Variants in STAB1 observed in about 807,000 individuals in gnomAD.
The protein encoded by STAB1 is stabilin 1.
A neutral mutation model predicts 332.4 loss-of-function variants in STAB1; 250 were observed. That is an observed-to-expected ratio of 0.75 (90% CI 0.68 to 0.84). The LOEUF is 0.84. Ranked by LOEUF, STAB1 falls within the 40% of genes least tolerant of loss-of-function variation. STAB1 has a pLI of 0.00. For missense variants in STAB1, 3,249 were observed against 3,489.7 expected, an observed-to-expected ratio of 0.93 and a Z score of 1.74; for synonymous variants, 1,475 against 1,390.4, an observed-to-expected ratio of 1.06 and a Z score of -1.35.
rs763583230 is a variant in STAB1 at position 52,516,348 on chromosome 3, C to T, written c.4145-8C>T. 1.9e-6 allele frequency: 3 copies of T among 1,606,698 alleles called. No homozygotes were observed. Among genetic ancestry groups the T allele is most frequent in the Non-Finnish European group, 2.6e-6 (3 of 1,175,120 alleles). On this transcript the variant is annotated splice_region_variant and splice_polypyrimidine_tract_variant and intron_variant, in intron 38 of 68. Coordinates refer to ENST00000321725, the MANE Select transcript of STAB1 (RefSeq NM_015136.3). ...GGGCAACTCCTATCCTCCTTTATACCACTGCAGTGTGTGACTGTGCCCATG... is the reference window on the plus strand; with the variant it reads ...GGGCAACTCCTATCCTCCTTTATACTACTGCAGTGTGTGACTGTGCCCATG...
rs764643786 is a variant in STAB1, at chr3:52,514,757, G to C, written c.3735G>C (p.Ser1245=). 3 of 1,613,012 alleles carry C rather than the reference G, an allele frequency of 1.9e-6. No individual in the cohort carries two copies. The highest frequency in any genetic ancestry group is 2.2e-5 in the East Asian group (1 of 44,870). ...CCATGCTGGAGGCCCCTGGCCGCTC[G>C]CTGATTGGTCTGTCGGGGGTCCTGA... ...EGPMLEAPGR[S]LIGLSGVLTV... Residue 1245 remains serine (S), a synonymous_variant, in exon 35 of 69, where the codon TCG becomes TCC. Coordinates refer to ENST00000321725, the MANE Select transcript of STAB1 (RefSeq NM_015136.3).
At chr3:52,505,984 T>C (rs1157754797) in intron 16 of STAB1, 48 bp downstream of exon 16, 1 of 1,609,342 alleles carries the variant, frequency 6.2e-7, no homozygotes, top group Non-Finnish European at 8.5e-7. Flanking sequence ...CCGGTGGGCC[T>C]GCCTGCAGGT....
rs1328477282 is a variant in STAB1, at chr3:52,504,291, C to T, written c.1150+136C>T. On this transcript the variant is annotated intron_variant, in intron 10 of 68. Transcript: ENST00000321725. The stretch of plus-strand genomic sequence containing the variant: ...AACAAACAGGTGGCTGTGGGGGGTG[C>T]ATGCAGGGGGTGGGAGCTGCTCTCC... 7 of 1,442,970 alleles carry T rather than the reference C, an allele frequency of 4.9e-6. 1 individual carries two copies. The Admixed American group carries it at 6.1e-5, about 13-fold the overall frequency. The allele number at this position is 1,442,970 out of a possible 1,614,324, so 89.4% of individuals were successfully genotyped here. A position where few individuals can be genotyped will look rare whatever the true frequency, so the allele number is the denominator to read the frequency against.
chr3:52,520,743 C>A, intron 54 of STAB1, 45 bp downstream of exon 54: 1 of 1,612,576 alleles, frequency 6.2e-7, no homozygotes, highest in Non-Finnish European at 8.5e-7. Flanking sequence ...TGGGGGCAGG[C>A]AGAGCCCAAG....
rs763414924 is a variant in STAB1 at position 52,509,332 on chromosome 3, C to G, written c.2347+11C>G. 2 of 1,611,018 alleles carry G rather than the reference C, an allele frequency of 1.2e-6. No homozygotes were observed. The highest frequency in any genetic ancestry group is 1.7e-6 in the Non-Finnish European group (2 of 1,178,446). ...AGCAATGCCAGGAAGGTGGGTGGTC[C>G]TGGCTCAGGCCACCTCCTAGGGAGA... is the stretch of plus-strand genomic sequence containing the variant. On this transcript the variant is annotated intron_variant, in intron 22 of 68. Coordinates refer to ENST00000321725, the MANE Select transcript of STAB1 (RefSeq NM_015136.3).
At chr3:52,519,626 G>A (rs1376740832) in intron 50 of STAB1, 62 bp downstream of exon 50, 4 of 1,601,018 alleles carry the variant, frequency 2.5e-6, no homozygotes, top group Non-Finnish European at 3.4e-6. Context: ...GTGTGCAAGT[G>A]TGTATGCGTA....
At chr3:52,521,043 C>T in intron 55 of STAB1, 38 bp downstream of exon 55, 1 of 1,496,108 alleles carries the variant, frequency 6.7e-7, no homozygotes. Flanking sequence ...CTCCTCTGTT[C>T]CCCAAGAGAG....
intron 1 of STAB1, among the ~76,000 whole-genome samples, chr3:52,499,617 C>A (rs1032737740): frequency 6.6e-6 from 1 of 152,042 alleles, no homozygotes; most frequent in Non-Finnish European, 1.5e-5. Context: ...ACAAACTGGC[C>A]GGCCGGGCGC....
chr3:52,523,825 G>A lies in STAB1; in HGVS notation c.7396-46G>A, dbSNP rs184287983. 17 of 1,583,856 alleles carry A rather than the reference G, an allele frequency of 1.1e-5. No individual in the cohort carries two copies. In the African/African-American group the frequency reaches 2.1e-4, roughly 20 times the overall value. ...ACAACCTGTGAGCCCGGGGAAGGTG[G>A]TGGGACAGCTCCCGCCAGGTCAACA... On this transcript the variant is annotated intron_variant, in intron 66 of 68. Transcript: ENST00000321725.
chr3:52,503,661 G>C (rs1228465337), intron 8 of STAB1, 111 bp from the exon 9 acceptor site: 1 of 1,566,370 alleles, frequency 6.4e-7, no homozygotes, highest in Admixed American at 1.8e-5. Context: ...AGTGGGGAGA[G>C]GATAAGGGTC....
At chr3:52,513,523 C>G (rs1709447559) in intron 30 of STAB1, among the ~76,000 whole-genome samples, 194 bp from the exon 31 acceptor site, 1 of 152,184 alleles carries the variant, frequency 6.6e-6, no homozygotes, top group Admixed American at 6.5e-5. Flanking sequence ...GTGTGCCCAG[C>G]TGGTGGGTCC....
Position 52,516,756 on chromosome 3 carries a change from ATCT to A in STAB1, c.4355_4357del (p.Phe1452del), listed in dbSNP as rs746242340. ...TGCTGCGGGATACTCCGGCAATGGCATCTTCTGTTCAGGTCCAGCCACACGGAT... is the reference window on the plus strand; with the variant it reads ...TGCTGCGGGATACTCCGGCAATGGCATCTGTTCAGGTCCAGCCACACGGAT... On this transcript the variant is annotated inframe_deletion, in exon 41 of 69. Coordinates refer to ENST00000321725, the MANE Select transcript of STAB1 (RefSeq NM_015136.3). The A allele has an allele frequency of 6.2e-7, 1 of 1,609,844 alleles. No homozygotes were observed. Among genetic ancestry groups the A allele is most frequent in the Admixed American group, 1.7e-5 (1 of 59,750 alleles).
intron 58 of STAB1, 28 bp downstream of exon 58, chr3:52,521,979 T>G (rs188423741): frequency 1.9e-6 from 3 of 1,605,026 alleles, no homozygotes; most frequent in Middle Eastern, 1.7e-4. Flanking sequence ...GACATGGAGG[T>G]GGGAGGCCCC....
At chr3:52,508,552 T>C (rs1357076303) in intron 21 of STAB1, 193 bp downstream of exon 21, 2 of 635,556 alleles carry the variant, frequency 3.1e-6, no homozygotes, top group Admixed American at 4.2e-5. Flanking sequence ...CCAGGTGCAA[T>C]GTCTCATGCC....
Position 52,504,560 on chromosome 3 carries a change from C to G in STAB1, c.1239+11C>G, listed in dbSNP as rs759202723. The G allele has an allele frequency of 1.9e-6, 3 of 1,613,860 alleles. No homozygotes were observed. The highest frequency in any genetic ancestry group is 1.7e-6 in the Non-Finnish European group (2 of 1,179,924). ...TCCAGGACCATGAATGTAAGCCCCTCCCCATGGTGGAGCTGGCCACTGGCC... is the reference window on the plus strand; with the variant it reads ...TCCAGGACCATGAATGTAAGCCCCTGCCCATGGTGGAGCTGGCCACTGGCC... On this transcript the variant is annotated intron_variant, in intron 11 of 68. Coordinates refer to ENST00000321725, the MANE Select transcript of STAB1 (RefSeq NM_015136.3).
chr3:52,520,780 T>C (rs374635625), intron 54 of STAB1, 24 bp from the exon 55 acceptor site: 11 of 1,612,646 alleles, frequency 6.8e-6, no homozygotes, highest in Admixed American at 6.7e-5. Flanking sequence ...ACCACCCAAC[T>C]GCGGCCTGAC....
chr3:52,522,343 G>A lies in STAB1; in HGVS notation c.6479G>A (p.Cys2160Tyr), dbSNP rs966918881. ...CTCCAACCCCAGAACACACGGCGCTGTGAGTGCCACGCAGGCTACGTAGGC... is the reference window on the plus strand; with the variant it reads ...CTCCAACCCCAGAACACACGGCGCTATGAGTGCCACGCAGGCTACGTAGGC... ...CLSTGLNTRRCECHAGYVGDG... is the reference protein window; with the variant it reads ...CLSTGLNTRRYECHAGYVGDG... Residue 2160 changes from cysteine (C) to tyrosine (Y), a missense_variant, in exon 60 of 69, where the codon TGT (cysteine) becomes TAT (tyrosine). Physicochemically the swap from Cys to Tyr is radical, Grantham distance 194. Coordinates refer to ENST00000321725, the MANE Select transcript of STAB1 (RefSeq NM_015136.3). The A allele has an allele frequency of 6.2e-7, 1 of 1,612,886 alleles. No homozygotes were observed. Among genetic ancestry groups the A allele is most frequent in the Admixed American group, 1.7e-5 (1 of 60,008 alleles).
chr3:52,510,272 AGAGGCAG>A, intron 24 of STAB1, 37 bp downstream of exon 24: 1 of 1,613,986 alleles, frequency 6.2e-7, no homozygotes, highest in Non-Finnish European at 8.5e-7. Flanking sequence ...GTTCTGACCC[AGAGGCAG>A]GAGGTGGGAT....
chr3:52,503,964 G>A, intron 9 of STAB1, 62 bp downstream of exon 9: 1 of 1,611,392 alleles, frequency 6.2e-7, no homozygotes. Context: ...CTGCGGGAAG[G>A]CGTGGGGGGT....
Sources: gnomAD v4.1 joint callset for allele counts (sites outside exome capture counted in the v4.1 genomes callset) on GRCh38, gnomAD v4.1.1 for gene constraint, MANE v1.5 for transcripts, NCBI Gene and HGNC (gene_info 2026-07-23, HGNC 2026-07-21) for gene names.